The following CHSY3 variants were observed in gnomAD, a reference collection of about 807,000 sequenced individuals.
CHSY3 encodes the protein chondroitin sulfate synthase 3, also known as N-acetylgalactosaminyl-proteoglycan 3-beta-glucuronosyltransferase 3.
A neutral mutation model predicts 67.2 loss-of-function variants in CHSY3; 35 were observed. The observed-to-expected ratio is 0.52, with a 90% CI of 0.40 to 0.69. The LOEUF (loss-of-function observed/expected upper bound fraction) is 0.69. Ranked by LOEUF, CHSY3 falls within the 30% of genes least tolerant of loss-of-function variation. The probability of loss-of-function intolerance (pLI) is 0.00; values close to 1 mark genes in which losing one functional copy is unlikely to be tolerated. For synonymous variants in CHSY3, 474 were observed against 434.7 expected, an observed-to-expected ratio of 1.09 and a Z score of -1.12; for missense variants, 1,069 against 1,138.5, an observed-to-expected ratio of 0.94 and a Z score of 0.88.
At chr5:130,142,102 G>A (rs981897748) in intron 2 of CHSY3, among the ~76,000 whole-genome samples, 1 of 152,176 alleles carries the variant, frequency 6.6e-6, no homozygotes, top group African/African-American at 2.4e-5. Flanking sequence ...TGTGCACAGG[G>A]GAGGTACATA....
At chr5:129,913,894 A>T (rs1194638853) in intron 2 of CHSY3, among the ~76,000 whole-genome samples, 4 of 152,186 alleles carry the variant, frequency 2.6e-5, no homozygotes, top group African/African-American at 9.6e-5. Flanking sequence ...GTTCAATCTT[A>T]GTTTCTTAAA....
At chr5:130,147,040 C>T (rs368668040) in intron 2 of CHSY3, among the ~76,000 whole-genome samples, 1 of 152,138 alleles carries the variant, frequency 6.6e-6, no homozygotes, top group East Asian at 1.9e-4. Context: ...GTGATCCGCC[C>T]ACCTCGGCCT....
chr5:129,919,270 A>G (rs953354411), intron 2 of CHSY3, among the ~76,000 whole-genome samples: 6 of 152,188 alleles, frequency 3.9e-5, no homozygotes, highest in Admixed American at 2.0e-4. Context: ...GAACCCAAAG[A>G]CAGTTACACA....
chr5:129,959,227 A>G (rs1366079981), intron 2 of CHSY3, among the ~76,000 whole-genome samples: 1 of 152,136 alleles, frequency 6.6e-6, no homozygotes, highest in Non-Finnish European at 1.5e-5. Flanking sequence ...ACTTTTGCCT[A>G]GTATATATGT....
chr5:129,983,139 A>T (rs916953250), intron 2 of CHSY3, among the ~76,000 whole-genome samples: 5 of 152,110 alleles, frequency 3.3e-5, no homozygotes, highest in African/African-American at 1.2e-4. Context: ...CTGTTAAAAA[A>T]TTATAGTATA....
intron 2 of CHSY3, among the ~76,000 whole-genome samples, chr5:130,114,903 C>A (rs1242594557): frequency 6.6e-6 from 1 of 152,038 alleles, no homozygotes. Flanking sequence ...TTAGCTGACT[C>A]CTGAAGATGC....
intron 2 of CHSY3, among the ~76,000 whole-genome samples, chr5:130,129,613 T>C (rs1010863315): frequency 2.0e-5 from 3 of 152,272 alleles, no homozygotes; most frequent in African/African-American, 7.2e-5. Context: ...ATAATATGAA[T>C]ATACATAGCA....
chr5:129,922,520 A>T (rs1215773131), intron 2 of CHSY3, among the ~76,000 whole-genome samples: 1 of 152,142 alleles, frequency 6.6e-6, no homozygotes, highest in Non-Finnish European at 1.5e-5. Context: ...TTTTCATAAT[A>T]GTCACTCTAA....
intron 2 of CHSY3, among the ~76,000 whole-genome samples, chr5:130,143,798 A>ATATGTGTG (rs1768974422): frequency 3.3e-4 from 29 of 89,222 alleles, no homozygotes; most frequent in Non-Finnish European, 4.8e-4. Flanking sequence ...ATATATATAT[A>ATATGTGTG]TATATATGTG....
At chr5:130,036,982 C>T (rs1743219199) in intron 2 of CHSY3, among the ~76,000 whole-genome samples, 1 of 152,118 alleles carries the variant, frequency 6.6e-6, no homozygotes, top group South Asian at 2.1e-4. Context: ...AAACAGATCT[C>T]CTAACTCATG....
chr5:130,068,384 A>G (rs930923887), intron 2 of CHSY3, among the ~76,000 whole-genome samples: 1 of 152,134 alleles, frequency 6.6e-6, no homozygotes, highest in African/African-American at 2.4e-5. Context: ...ACGTGCTCAC[A>G]GGGTGGGCTG....
chr5:130,159,185 G>C (rs1400973965), intron 2 of CHSY3, among the ~76,000 whole-genome samples: 3 of 48,890 alleles, frequency 6.1e-5, no homozygotes, highest in African/African-American at 1.8e-4. Context: ...TTTTTTTTGA[G>C]ACAGGATCTA....
chr5:130,087,819 T>A (rs1211916306), intron 2 of CHSY3, among the ~76,000 whole-genome samples: 2 of 151,278 alleles, frequency 1.3e-5, no homozygotes, highest in Non-Finnish European at 1.5e-5. Context: ...TTCAATGCCA[T>A]CCCCATCAAG....
chr5:130,164,394 G>A (rs957968171), intron 2 of CHSY3, among the ~76,000 whole-genome samples: 1 of 152,130 alleles, frequency 6.6e-6, no homozygotes, highest in African/African-American at 2.4e-5. Context: ...GGAGTAAGAA[G>A]TCTATATATC....
intron 2 of CHSY3, among the ~76,000 whole-genome samples, chr5:130,131,259 C>T (rs1424151248): frequency 6.6e-6 from 1 of 152,122 alleles, no homozygotes; most frequent in Non-Finnish European, 1.5e-5. Flanking sequence ...CACTCAATTT[C>T]CCCTAAAGTA....
intron 2 of CHSY3, among the ~76,000 whole-genome samples, chr5:130,090,485 G>GC (rs1490299971): frequency 2.6e-5 from 4 of 152,080 alleles, no homozygotes; most frequent in African/African-American, 7.2e-5. Flanking sequence ...AAACAAGGCT[G>GC]GTGCCCTTTT....
intron 2 of CHSY3, among the ~76,000 whole-genome samples, chr5:129,943,902 G>A (rs767782117): frequency 2.0e-4 from 31 of 152,170 alleles, no homozygotes; most frequent in Non-Finnish European, 3.5e-4. Flanking sequence ...TTAGATAAAT[G>A]CTAGGTGAGT....
In CHSY3 at chr5:129,905,334, C is replaced by T. The variant is rs1212479452; in HGVS notation, c.505C>T (p.Pro169Ser). ...DGGAAAPSAR[P>S]RDFLYVGVMT... ...GGGCGCTGCCGCCCCGAGCGCCCGA[C>T]CCCGGGACTTCCTGTACGTGGGGGT... The change falls in exon 1 of 3, where the codon CCC (proline) becomes TCC (serine). Residue 169 changes from proline (P) to serine (S), a missense_variant. Pro to Ser is a moderately conservative substitution (Grantham distance 74, BLOSUM62 -1). Transcript: ENST00000305031. 11 of 1,543,524 alleles carry T rather than the reference C, an allele frequency of 7.1e-6. No homozygotes were observed. The highest frequency in any genetic ancestry group is 9.6e-6 in the Non-Finnish European group (11 of 1,148,308).
intron 2 of CHSY3, among the ~76,000 whole-genome samples, chr5:130,103,561 T>C (rs960741125): frequency 1.3e-5 from 2 of 151,972 alleles, no homozygotes; most frequent in African/African-American, 4.8e-5. Context: ...TAGGGTAGCA[T>C]TGTGTTATCC....
Sources: allele counts gnomAD v4.1 joint callset (sites outside exome capture counted in the v4.1 genomes callset), GRCh38; gene constraint gnomAD v4.1.1; transcripts MANE v1.5; gene names NCBI Gene and HGNC (gene_info 2026-07-23, HGNC 2026-07-21).